The following BCKDHB variants were observed in gnomAD, a reference collection of about 807,000 sequenced individuals.
BCKDHB encodes the protein 2-oxoisovalerate dehydrogenase subunit beta, mitochondrial.
BCKDHB carries 41 observed loss-of-function variants against 48.5 expected under a neutral mutation model. The observed-to-expected ratio is 0.85, with a 90% confidence interval of 0.66 to 1.10. The LOEUF (loss-of-function observed/expected upper bound fraction) is 1.10. Among genes scored for constraint, BCKDHB ranks in the 50% least tolerant of loss-of-function variants. BCKDHB has a pLI of 0.00. For missense variants in BCKDHB, 496 were observed against 494.2 expected (o/e 1.00, Z -0.03); for synonymous variants, 201 against 174.8 (o/e 1.15, Z -1.18).
intron 6 of BCKDHB, among the ~76,000 whole-genome samples, chr6:80,187,070 T>A (rs1448770365): frequency 3.3e-5 from 5 of 152,214 alleles, no homozygotes; most frequent in African/African-American, 7.2e-5. Flanking sequence ...AGGAAAAGTT[T>A]ACAGTGTGAG....
the BCKDHB span, among the ~76,000 whole-genome samples, chr6:80,445,046 A>C: frequency 6.6e-6 from 1 of 152,182 alleles, no homozygotes; most frequent in Non-Finnish European, 1.5e-5. Flanking sequence ...TCTAAACTGT[A>C]AGGTACATTT....
At chr6:80,220,163 C>T (rs1775349941) in intron 8 of BCKDHB, among the ~76,000 whole-genome samples, 1 of 151,722 alleles carries the variant, frequency 6.6e-6, no homozygotes, top group Admixed American at 6.6e-5. Context: ...CTCATTTCTT[C>T]TCTCCTAGTT....
chr6:80,380,914 AC>A, the BCKDHB span, among the ~76,000 whole-genome samples: 11 of 152,132 alleles, frequency 7.2e-5, no homozygotes, highest in Non-Finnish European at 1.3e-4. Context: ...CTTGCTGAAG[AC>A]ATTTATTAGT....
intron 8 of BCKDHB, among the ~76,000 whole-genome samples, chr6:80,231,836 G>A (rs1337374425): frequency 1.3e-5 from 2 of 152,064 alleles, no homozygotes; most frequent in African/African-American, 4.8e-5. Flanking sequence ...CTGGTGGCAC[G>A]CACCTGTAGT....
At chr6:80,176,654 G>A (rs1191447680) in intron 6 of BCKDHB, among the ~76,000 whole-genome samples, 1 of 152,154 alleles carries the variant, frequency 6.6e-6, no homozygotes, top group Non-Finnish European at 1.5e-5. Flanking sequence ...ATCACAAGAT[G>A]AACCTTACAC....
At chr6:80,195,716 T>C (rs902174217) in intron 6 of BCKDHB, among the ~76,000 whole-genome samples, 1 of 152,120 alleles carries the variant, frequency 6.6e-6, no homozygotes, top group Non-Finnish European at 1.5e-5. Context: ...AATAACACAA[T>C]ATTTTGTCAG....
At chr6:80,292,911 CA>C (rs1234121414) in intron 9 of BCKDHB, among the ~76,000 whole-genome samples, 1 of 152,154 alleles carries the variant, frequency 6.6e-6, no homozygotes, top group Non-Finnish European at 1.5e-5. Flanking sequence ...CTTAAAGCTC[CA>C]AAATGATCTT....
At chr6:80,125,019 A>G (rs987785525) in intron 1 of BCKDHB, among the ~76,000 whole-genome samples, 3 of 152,212 alleles carry the variant, frequency 2.0e-5, no homozygotes, top group Non-Finnish European at 2.9e-5. Flanking sequence ...CTCTTTAGCT[A>G]TGAAAATCCA....
chr6:80,271,173 G>T (rs77811392), intron 8 of BCKDHB, among the ~76,000 whole-genome samples: 3 of 152,064 alleles, frequency 2.0e-5, no homozygotes, highest in African/African-American at 7.2e-5. Context: ...CACTGCTGTG[G>T]TGGTTGTTTT....
At chr6:80,414,704 G>T in the BCKDHB span, among the ~76,000 whole-genome samples, 754 of 152,186 alleles carry the variant, frequency 5.0e-3, 5 homozygotes, top group African/African-American at 0.017. Context: ...TTCCAGCCGT[G>T]TTCTTTTTGA....
the BCKDHB span, among the ~76,000 whole-genome samples, chr6:80,431,383 TTC>T: frequency 7.2e-5 from 11 of 152,218 alleles, no homozygotes; most frequent in Non-Finnish European, 1.0e-4. Flanking sequence ...CTTGTTAATT[TTC>T]TGTCTCATTG....
At chr6:80,427,304 G>A in the BCKDHB span, among the ~76,000 whole-genome samples, 1 of 151,832 alleles carries the variant, frequency 6.6e-6, no homozygotes, top group Admixed American at 6.6e-5. Context: ...ACTTACTCTA[G>A]TCTATCTTCC....
chr6:80,254,723 A>G (rs1417267577), intron 8 of BCKDHB, among the ~76,000 whole-genome samples: 1 of 152,110 alleles, frequency 6.6e-6, no homozygotes, highest in Non-Finnish European at 1.5e-5. Flanking sequence ...ACACAATAAA[A>G]CAAAACCAAA....
At chr6:80,234,416 G>C (rs1003668854) in intron 8 of BCKDHB, among the ~76,000 whole-genome samples, 1 of 152,148 alleles carries the variant, frequency 6.6e-6, no homozygotes, top group Non-Finnish European at 1.5e-5. Context: ...CTGGAGGGGT[G>C]GCAGTTTATA....
intron 3 of BCKDHB, among the ~76,000 whole-genome samples, chr6:80,153,993 A>T (rs886943376): frequency 6.6e-6 from 1 of 151,998 alleles, no homozygotes; most frequent in African/African-American, 2.4e-5. Flanking sequence ...TTGCTTCCCA[A>T]CTCAGAGTTT....
At chr6:80,280,203 T>C (rs967116042) in intron 9 of BCKDHB, among the ~76,000 whole-genome samples, 4 of 152,190 alleles carry the variant, frequency 2.6e-5, no homozygotes, top group South Asian at 2.1e-4. Context: ...CTCACATAGA[T>C]GTAACTTCCA....
At chr6:80,424,975 G>A in the BCKDHB span, among the ~76,000 whole-genome samples, 2 of 152,152 alleles carry the variant, frequency 1.3e-5, no homozygotes, top group African/African-American at 2.4e-5. Flanking sequence ...CCCCTCTGTG[G>A]TGTTTCATGA....
At chr6:80,296,722 T>C (rs1478841337) in intron 9 of BCKDHB, among the ~76,000 whole-genome samples, 2 of 152,220 alleles carry the variant, frequency 1.3e-5, no homozygotes, top group Non-Finnish European at 2.9e-5. Context: ...GTTTAATTTA[T>C]GGAAAAACTG....
At chr6:80,235,604 A>G (rs1266769524) in intron 8 of BCKDHB, among the ~76,000 whole-genome samples, 4 of 152,166 alleles carry the variant, frequency 2.6e-5, no homozygotes, top group African/African-American at 9.7e-5. Context: ...TTGATCTTTG[A>G]GGTACATTTC....
Sources: allele counts gnomAD v4.1 joint callset (sites outside exome capture counted in the v4.1 genomes callset), GRCh38; gene constraint gnomAD v4.1.1; transcripts MANE v1.5; gene names NCBI Gene and HGNC (gene_info 2026-07-23, HGNC 2026-07-21).